RIN2: variants seen among roughly 807,000 people sequenced by gnomAD.
RIN2 encodes the protein Ras and Rab interactor 2.
In RIN2, 36 loss-of-function variants were observed where a neutral mutation model predicts 78.0. That is an observed-to-expected ratio of 0.46 (90% confidence interval 0.35 to 0.61). RIN2 has a LOEUF of 0.61. Among genes scored for constraint, RIN2 ranks in the 20% least tolerant of loss-of-function variants. RIN2 has a pLI of 0.00. For synonymous variants in RIN2, 466 were observed against 466.8 expected, an observed-to-expected ratio of 1.00 and a Z score of 0.02; for missense variants, 1,087 against 1,159.7, an observed-to-expected ratio of 0.94 and a Z score of 0.91.
chr20:19,986,044 G>GT (rs999074912), intron 9 of RIN2, among the ~76,000 whole-genome samples: 22 of 152,208 alleles, frequency 1.4e-4, no homozygotes, highest in African/African-American at 4.3e-4. Flanking sequence ...AAAAGGTTTT[G>GT]TTTTTTTGTC....
Position 19,880,392 on chromosome 20 carries a change from C to CT in RIN2, c.-36-9148dup, listed in dbSNP as rs33934712. Among the ~76,000 whole-genome samples, 530 of 57,424 alleles carry CT rather than the reference C, an allele frequency of 9.2e-3. 71 individuals are homozygous for CT. Among genetic ancestry groups the CT allele is most frequent in the African/African-American group, 0.025 (330 of 13,376 alleles). The allele number at this position is 57,424 out of a possible 152,430, so 37.7% of individuals were successfully genotyped here. ...ATCTTATGCTTTAGAGGAAGTCATT[C>CT]TTTTTTTTTTTTTTTTTTTTTTTTT... On this transcript the variant is annotated intron_variant, in intron 2 of 12. Transcript: ENST00000255006.
intron 4 of RIN2, among the ~76,000 whole-genome samples, chr20:19,946,480 G>T (rs11696980): frequency 0.091 from 13,898 of 152,084 alleles, 692 homozygotes; most frequent in East Asian, 0.097. Context: ...CACTTTGAGA[G>T]GCCAAGGTGG....
intron 2 of RIN2, among the ~76,000 whole-genome samples, chr20:19,862,449 C>T (rs1042104334): frequency 1.6e-4 from 25 of 152,068 alleles, no homozygotes; most frequent in Admixed American, 1.4e-3. Context: ...AAAAATTAGT[C>T]GGGCGTGGTG....
chr20:19,823,497 A>C, intron 2 of RIN2: 2 of 900,314 alleles, frequency 2.2e-6, no homozygotes, highest in South Asian at 2.6e-5. Flanking sequence ...CTATGATGTC[A>C]TGAGGGTGGC....
intron 1 of RIN2, among the ~76,000 whole-genome samples, chr20:19,797,937 C>T (rs1041469980): frequency 4.0e-5 from 6 of 150,516 alleles, no homozygotes; most frequent in Non-Finnish European, 7.4e-5. Context: ...CTGCAACCTC[C>T]GCCTGCCAGG....
Position 19,977,480 on chromosome 20 carries a change from G to A in RIN2, c.1762+1693G>A, listed in dbSNP as rs996345361. The stretch of plus-strand genomic sequence containing the variant: ...AATTTAAAATGATTTATGGAGCTTC[G>A]AGTATAAGCCCGGCAGCCTGTCCAA... On this transcript the variant is annotated intron_variant, in intron 9 of 12. Transcript: ENST00000255006. 2.6e-5 allele frequency among the ~76,000 whole-genome samples: 4 copies of A among 152,136 alleles called. No individual in the cohort carries two copies. In the East Asian group the frequency reaches 5.8e-4, roughly 22 times the overall value.
chr20:19,935,673 A>G, intron 4 of RIN2: 1 of 949,182 alleles, frequency 1.1e-6, no homozygotes, highest in South Asian at 4.9e-5. Context: ...GTGATTGGAA[A>G]CTGGATGTGG....
intron 9 of RIN2, among the ~76,000 whole-genome samples, chr20:19,984,379 T>C (rs1444237266): frequency 6.6e-6 from 1 of 152,216 alleles, no homozygotes; most frequent in Non-Finnish European, 1.5e-5. Flanking sequence ...GCATGTGACA[T>C]ACTGAACAGT....
intron 2 of RIN2, among the ~76,000 whole-genome samples, chr20:19,869,642 G>A (rs1480301276): frequency 7.8e-6 from 1 of 127,448 alleles, no homozygotes; most frequent in African/African-American, 3.0e-5. Flanking sequence ...TTTTTTTTTT[G>A]AGAGACAGGG....
intron 2 of RIN2, among the ~76,000 whole-genome samples, chr20:19,870,950 C>T (rs1397995134): frequency 2.0e-5 from 3 of 152,150 alleles, no homozygotes; most frequent in South Asian, 2.1e-4. Flanking sequence ...TAGTTACTAT[C>T]GGTCCCCTTG....
intron 4 of RIN2, among the ~76,000 whole-genome samples, chr20:19,954,476 G>A (rs1467073706): frequency 2.6e-5 from 4 of 152,154 alleles, no homozygotes; most frequent in Non-Finnish European, 4.4e-5. Flanking sequence ...TAAAGGGTGA[G>A]AGAACCCAGA....
chr20:19,906,342 C>G (rs560514091), intron 3 of RIN2, among the ~76,000 whole-genome samples: 2 of 151,888 alleles, frequency 1.3e-5, no homozygotes, highest in Non-Finnish European at 2.9e-5. Context: ...CTAGCTACCC[C>G]GGAGGCTGAG....
intron 8 of RIN2, 148 bp downstream of exon 8, chr20:19,971,077 T>C (rs927359539): frequency 1.1e-5 from 7 of 624,216 alleles, no homozygotes; most frequent in Admixed American, 2.8e-5. Context: ...GACGTCCTCT[T>C]GTAAACATCT....
At chr20:19,874,415 A>T (rs2037791968) in intron 2 of RIN2, among the ~76,000 whole-genome samples, 1 of 152,214 alleles carries the variant, frequency 6.6e-6, no homozygotes, top group South Asian at 2.1e-4. Context: ...GTTGGTGATG[A>T]CTTTACAGAA....
intron 1 of RIN2, among the ~76,000 whole-genome samples, chr20:19,773,848 C>T (rs1911685635): frequency 6.6e-6 from 1 of 151,354 alleles, no homozygotes; most frequent in African/African-American, 2.4e-5. Flanking sequence ...ATTAAAATCA[C>T]ATCATGGATT....
intron 9 of RIN2, among the ~76,000 whole-genome samples, chr20:19,988,462 G>A (rs974396230): frequency 1.3e-5 from 2 of 152,160 alleles, no homozygotes; most frequent in Admixed American, 1.3e-4. Context: ...GGACCCATTG[G>A]CTTCCCAAAT....
chr20:19,844,020 A>T (rs1343258289), intron 2 of RIN2, among the ~76,000 whole-genome samples: 3 of 152,218 alleles, frequency 2.0e-5, no homozygotes, highest in African/African-American at 7.2e-5. Context: ...AAATACCTTC[A>T]GTGGGGAAGA....
intron 4 of RIN2, among the ~76,000 whole-genome samples, chr20:19,946,980 G>A (rs1208018044): frequency 2.8e-5 from 4 of 144,956 alleles, no homozygotes; most frequent in African/African-American, 7.8e-5. Context: ...GCAGTGAGCC[G>A]AGATCGTACC....
intron 1 of RIN2, among the ~76,000 whole-genome samples, chr20:19,789,317 G>GA (rs1019092804): frequency 1.3e-5 from 2 of 152,168 alleles, no homozygotes; most frequent in Non-Finnish European, 2.9e-5. Flanking sequence ...TAACCTTCTA[G>GA]AAAAAATACA....
Sources: gnomAD v4.1 joint callset for allele counts (sites outside exome capture counted in the v4.1 genomes callset) on GRCh38, gnomAD v4.1.1 for gene constraint, MANE v1.5 for transcripts, NCBI Gene and HGNC (gene_info 2026-07-23, HGNC 2026-07-21) for gene names.